Variants in ELMO1 observed in about 807,000 individuals in gnomAD.
The protein encoded by ELMO1 is engulfment and cell motility protein 1.
A neutral mutation model predicts 98.9 loss-of-function variants in ELMO1; 26 were observed. The observed-to-expected ratio is 0.26, with a 90% CI of 0.19 to 0.36. The LOEUF (loss-of-function observed/expected upper bound fraction) is 0.36. Ranked by LOEUF, ELMO1 falls within the 10% of genes least tolerant of loss-of-function variation. The probability of loss-of-function intolerance (pLI) is 1.00; values close to 1 mark genes in which losing one functional copy is unlikely to be tolerated. For synonymous variants in ELMO1, 346 were observed against 346.0 expected (o/e 1.00, Z 0.00); for missense variants, 627 against 935.2 (o/e 0.67, Z 4.30).
chr7:36,970,641 T>C (rs1789859963), intron 16 of ELMO1, among the ~76,000 whole-genome samples: 1 of 150,970 alleles, frequency 6.6e-6, no homozygotes. Flanking sequence ...AAAGGTTTTG[T>C]TGAATCACTG....
Position 36,861,924 on chromosome 7 carries a change from G to A in ELMO1, c.1906-188C>T, listed in dbSNP as rs192070632. The A allele has an allele frequency of 3.7e-4, 223 of 610,892 alleles. 1 individual carries two copies. The East Asian group carries it at 5.6e-3, about 15-fold the overall frequency. The allele number at this position is 610,892 out of a possible 1,614,324, so 37.8% of individuals were successfully genotyped here. On this transcript the variant is annotated intron_variant, in intron 20 of 21. Transcript: ENST00000310758. The stretch of plus-strand genomic sequence containing the variant: ...GGCATGATTCCTTCTCTCCATTCAC[G>A]GCGGTCTGTGAACTATCTCATTTAA...
intron 1 of ELMO1, among the ~76,000 whole-genome samples, chr7:37,447,614 C>G (rs946899807): frequency 6.6e-6 from 1 of 150,630 alleles, no homozygotes; most frequent in African/African-American, 2.5e-5. Context: ...CACACACACA[C>G]CGACTCACAC....
At chr7:37,448,173 C>T (rs1805725652) in intron 1 of ELMO1, among the ~76,000 whole-genome samples, 1 of 151,960 alleles carries the variant, frequency 6.6e-6, no homozygotes, top group Admixed American at 6.5e-5. Context: ...CTCCCATCCC[C>T]GAGTGCAGGA....
chr7:37,034,542 CCTA>C (rs1435289020), intron 15 of ELMO1, among the ~76,000 whole-genome samples: 1 of 152,138 alleles, frequency 6.6e-6, no homozygotes, highest in Admixed American at 6.5e-5. Flanking sequence ...TTACTAATAT[CCTA>C]CTGTTGGCTA....
intron 5 of ELMO1, chr7:37,270,569 G>A (rs2130850639): frequency 6.6e-6 from 1 of 152,314 alleles, no homozygotes; most frequent in African/African-American, 2.4e-5. Context: ...AACACTTGGT[G>A]TATTTGGGGC....
intron 1 of ELMO1, among the ~76,000 whole-genome samples, chr7:37,392,501 G>T (rs1033495601): frequency 1.3e-5 from 2 of 152,198 alleles, no homozygotes; most frequent in African/African-American, 4.8e-5. Context: ...CAGAAGCAGA[G>T]GTGGCCAACC....
rs140269199 is a variant in ELMO1 at position 37,275,746 on chromosome 7, C to T, written c.193-3864G>A. On this transcript the variant is annotated intron_variant, in intron 4 of 21. Transcript: ENST00000310758. ...CATGCTTTTAAATCAGTGTCTTGTA[C>T]TTTAAATGAAAAGGAGATATGTAGA... Among the ~76,000 whole-genome samples, 977 of 152,264 alleles carry T rather than the reference C, an allele frequency of 6.4e-3. 3 individuals carry two copies. Among genetic ancestry groups the T allele is most frequent in the Non-Finnish European group, 9.8e-3 (667 of 68,016 alleles).
chr7:37,087,645 G>C (rs1368862003), intron 15 of ELMO1, among the ~76,000 whole-genome samples: 1 of 152,104 alleles, frequency 6.6e-6, no homozygotes, highest in East Asian at 1.9e-4. Flanking sequence ...ATGAATATTT[G>C]AGCCAAATTC....
At chr7:37,125,521 C>A (rs138928827) in intron 14 of ELMO1, among the ~76,000 whole-genome samples, 1,957 of 152,286 alleles carry the variant, frequency 0.013, 49 homozygotes, top group African/African-American at 0.045. Context: ...ATGCAGCCAA[C>A]AGACACATGA....
chr7:37,224,593 A>T (rs1179873323), intron 9 of ELMO1, among the ~76,000 whole-genome samples: 1 of 152,236 alleles, frequency 6.6e-6, no homozygotes, highest in African/African-American at 2.4e-5. Flanking sequence ...CTTAAAAGTA[A>T]AACTCTGCCA....
chr7:37,197,413 C>T (rs989300427), intron 13 of ELMO1, among the ~76,000 whole-genome samples: 1 of 152,186 alleles, frequency 6.6e-6, no homozygotes, highest in Non-Finnish European at 1.5e-5. Context: ...AATTACTTCC[C>T]GGCAGACGTG....
intron 2 of ELMO1, among the ~76,000 whole-genome samples, chr7:37,334,477 G>A (rs1800293009): frequency 6.6e-6 from 1 of 152,066 alleles, no homozygotes; most frequent in Admixed American, 6.5e-5. Context: ...AAAACTGCCT[G>A]GGTTTTGGTG....
intron 1 of ELMO1, among the ~76,000 whole-genome samples, chr7:37,431,400 C>T (rs1447693227): frequency 6.6e-6 from 1 of 152,010 alleles, no homozygotes; most frequent in Non-Finnish European, 1.5e-5. Flanking sequence ...ATACTATTGG[C>T]TAGATGATCA....
At chr7:37,183,793 C>T (rs1055852924) in intron 13 of ELMO1, among the ~76,000 whole-genome samples, 5 of 151,994 alleles carry the variant, frequency 3.3e-5, no homozygotes, top group East Asian at 1.9e-4. Flanking sequence ...CTATCTGCTT[C>T]GATTTCACTG....
chr7:37,163,346 T>G (rs13309232), intron 13 of ELMO1, among the ~76,000 whole-genome samples: 1 of 38,028 alleles, frequency 2.6e-5, no homozygotes, highest in Non-Finnish European at 6.3e-5. Context: ...TCTTTTTTTT[T>G]TTTTTTATTA....
chr7:37,378,387 G>A (rs1296771859), intron 1 of ELMO1, among the ~76,000 whole-genome samples: 1 of 152,172 alleles, frequency 6.6e-6, no homozygotes, highest in Non-Finnish European at 1.5e-5. Flanking sequence ...GAAGTTTGTG[G>A]AGAGAGGTAG....
intron 1 of ELMO1, among the ~76,000 whole-genome samples, chr7:37,371,841 G>A (rs2131358168): frequency 6.6e-6 from 1 of 152,304 alleles, no homozygotes; most frequent in South Asian, 2.1e-4. Flanking sequence ...CTGATGAGTT[G>A]CGAAGAGCAG....
At chr7:37,192,814 A>AATG (rs1491442341) in intron 13 of ELMO1, among the ~76,000 whole-genome samples, 11 of 143,640 alleles carry the variant, frequency 7.7e-5, no homozygotes, top group South Asian at 2.2e-4. Context: ...AAAAAAAAAA[A>AATG]TGTGTGTGTG....
intron 15 of ELMO1, among the ~76,000 whole-genome samples, chr7:37,014,649 C>T (rs189984524): frequency 4.6e-4 from 70 of 152,132 alleles, no homozygotes; most frequent in Non-Finnish European, 6.8e-4. Flanking sequence ...CAACTGGCCC[C>T]GGTGTGTGTT....
Sources: allele counts gnomAD v4.1 joint callset (sites outside exome capture counted in the v4.1 genomes callset), GRCh38; gene constraint gnomAD v4.1.1; transcripts MANE v1.5; gene names NCBI Gene and HGNC (gene_info 2026-07-23, HGNC 2026-07-21).